TENM2: variants seen among roughly 807,000 people sequenced by gnomAD.
TENM2 encodes the protein teneurin transmembrane protein 2.
TENM2 carries 52 observed loss-of-function variants against 245.2 expected under a neutral mutation model. The ratio of observed to expected loss-of-function variants is 0.21; its 90% confidence interval spans 0.17 to 0.27. The LOEUF (loss-of-function observed/expected upper bound fraction) is 0.27. Ranked by LOEUF, TENM2 falls within the 10% of genes least tolerant of loss-of-function variation. TENM2 has a pLI of 1.00. For synonymous variants in TENM2, 1,363 were observed against 1,438.9 expected (o/e 0.95, Z 1.19); for missense variants, 3,046 against 3,666.8 (o/e 0.83, Z 4.37).
intron 3 of TENM2, among the ~76,000 whole-genome samples, chr5:167,910,822 C>T (rs1319846919): frequency 6.6e-6 from 1 of 152,082 alleles, no homozygotes; most frequent in Non-Finnish European, 1.5e-5. Context: ...ATAATTTATC[C>T]TAAGTTACAT....
chr5:166,993,704 C>T, the TENM2 span, among the ~76,000 whole-genome samples: 1 of 152,096 alleles, frequency 6.6e-6, no homozygotes, highest in African/African-American at 2.4e-5. Flanking sequence ...TTCCATGAAA[C>T]TAGATGTGTT....
intron 2 of TENM2, among the ~76,000 whole-genome samples, chr5:167,475,078 A>G (rs1767282614): frequency 6.6e-6 from 1 of 152,216 alleles, no homozygotes; most frequent in Non-Finnish European, 1.5e-5. Flanking sequence ...TGAAAACACA[A>G]ATATATGCAA....
chr5:168,017,755 C>G (rs574373239), intron 5 of TENM2, among the ~76,000 whole-genome samples: 1 of 152,262 alleles, frequency 6.6e-6, no homozygotes, highest in Non-Finnish European at 1.5e-5. Context: ...AATAATTATC[C>G]CAACTGTTTT....
intron 9 of TENM2, among the ~76,000 whole-genome samples, chr5:168,100,402 T>C (rs967033533): frequency 6.6e-6 from 1 of 151,976 alleles, no homozygotes; most frequent in Non-Finnish European, 1.5e-5. Flanking sequence ...CAAAGGATTA[T>C]AAATCATTCT....
rs1008004825 is a variant in TENM2, at chr5:167,848,736, A to T, written c.503-27250A>T. ...CTTTTTTCCAGAGCTGACAGTATCA[A>T]TGTTATTTCCATTTATGGTTGATTT... is the stretch of plus-strand genomic sequence containing the variant. On this transcript the variant is annotated intron_variant, in intron 2 of 28. Coordinates refer to ENST00000518659, the Ensembl canonical transcript of TENM2. 3.9e-5 allele frequency among the ~76,000 whole-genome samples: 6 copies of T among 152,178 alleles called. No homozygotes were observed. The South Asian group carries it at 8.3e-4, about 21-fold the overall frequency.
intron 2 of TENM2, among the ~76,000 whole-genome samples, chr5:167,456,178 C>T (rs1765911967): frequency 6.6e-6 from 1 of 152,126 alleles, no homozygotes; most frequent in African/African-American, 2.4e-5. Flanking sequence ...TGGAACAGGA[C>T]ACATCCTTGG....
intron 2 of TENM2, among the ~76,000 whole-genome samples, chr5:167,597,912 T>C (rs1582495948): frequency 6.6e-6 from 1 of 152,322 alleles, no homozygotes; most frequent in East Asian, 1.9e-4. Flanking sequence ...TATAGTTCTT[T>C]ACTGCCTGGC....
chr5:167,544,143 C>T (rs1039628127), intron 2 of TENM2, among the ~76,000 whole-genome samples: 3 of 152,052 alleles, frequency 2.0e-5, no homozygotes, highest in East Asian at 1.9e-4. Context: ...GGAGGAGGGG[C>T]GGATTCTAAG....
At chr5:168,177,409 T>G (rs1219048728) in intron 13 of TENM2, among the ~76,000 whole-genome samples, 1 of 152,202 alleles carries the variant, frequency 6.6e-6, no homozygotes, top group Non-Finnish European at 1.5e-5. Context: ...AGAGGTAAAG[T>G]AACTAGCCCA....
chr5:167,039,769 A>G, the TENM2 span, among the ~76,000 whole-genome samples: 1 of 152,118 alleles, frequency 6.6e-6, no homozygotes, highest in Non-Finnish European at 1.5e-5. Context: ...TAAAATAACT[A>G]AAGGTTCTGA....
rs547933659 is a variant in TENM2, at chr5:167,595,162, C to G, written c.502+219689C>G. Among the ~76,000 whole-genome samples, 114 of 152,248 alleles carry G rather than the reference C, an allele frequency of 7.5e-4. 1 individual carries two copies. Among genetic ancestry groups the G allele is most frequent in the African/African-American group, 2.6e-3 (109 of 41,536 alleles). ...CATGAGCAGCTACTGTCTCTCAAGACAGCCTCTCACTTATTAAAAAGGGAA... is the reference window on the plus strand; with the variant it reads ...CATGAGCAGCTACTGTCTCTCAAGAGAGCCTCTCACTTATTAAAAAGGGAA... On this transcript the variant is annotated intron_variant, in intron 2 of 28. Coordinates refer to ENST00000518659, the Ensembl canonical transcript of TENM2.
intron 2 of TENM2, among the ~76,000 whole-genome samples, chr5:167,843,530 T>A (rs1248633685): frequency 6.6e-6 from 1 of 152,142 alleles, no homozygotes; most frequent in African/African-American, 2.4e-5. Context: ...AACCAGGACT[T>A]ATTTCACTCT....
At chr5:167,651,125 C>T (rs2150287963) in intron 2 of TENM2, among the ~76,000 whole-genome samples, 1 of 151,914 alleles carries the variant, frequency 6.6e-6, no homozygotes, top group African/African-American at 2.4e-5. Context: ...GATGAATACT[C>T]CTCAGCAGTC....
At chr5:168,185,834 TTA>T (rs565930477) in intron 13 of TENM2, among the ~76,000 whole-genome samples, 2 of 149,138 alleles carry the variant, frequency 1.3e-5, no homozygotes, top group African/African-American at 4.9e-5. Context: ...ATCTTTTTTT[TTA>T]AAATGAAAAA....
chr5:167,598,509 G>A (rs1776376924), intron 2 of TENM2, among the ~76,000 whole-genome samples: 1 of 152,344 alleles, frequency 6.6e-6, no homozygotes, highest in East Asian at 1.9e-4. Context: ...TTGCCAGCTT[G>A]GGTAAATATG....
chr5:167,644,585 G>A (rs184980391), intron 2 of TENM2, among the ~76,000 whole-genome samples: 2 of 152,260 alleles, frequency 1.3e-5, no homozygotes, highest in Non-Finnish European at 2.9e-5. Flanking sequence ...TACGAGGCTG[G>A]AATAAGATAA....
the TENM2 span, among the ~76,000 whole-genome samples, chr5:167,247,454 TG>T: frequency 6.6e-6 from 1 of 152,136 alleles, no homozygotes; most frequent in African/African-American, 2.4e-5. Context: ...GGCTGTCAAA[TG>T]AGTTTTATTA....
chr5:167,056,794 C>G, the TENM2 span, among the ~76,000 whole-genome samples: 1 of 150,086 alleles, frequency 6.7e-6, no homozygotes, highest in East Asian at 1.9e-4. Flanking sequence ...TCTCCTCCTC[C>G]TCCTCCTCCT....
intron 12 of TENM2, among the ~76,000 whole-genome samples, chr5:168,148,446 G>T (rs933037631): frequency 2.0e-5 from 3 of 152,158 alleles, no homozygotes; most frequent in Non-Finnish European, 4.4e-5. Flanking sequence ...CTCCTGATCA[G>T]AACTACTGCA....
Sources: gnomAD v4.1 joint callset for allele counts (sites outside exome capture counted in the v4.1 genomes callset) on GRCh38, gnomAD v4.1.1 for gene constraint, MANE v1.5 for transcripts, NCBI Gene and HGNC (gene_info 2026-07-23, HGNC 2026-07-21) for gene names.